Variants in PRSS12 observed in about 807,000 individuals in gnomAD.
PRSS12 encodes serine protease 12.
A neutral mutation model predicts 104.4 loss-of-function variants in PRSS12; 85 were observed. That is an observed-to-expected ratio of 0.81 (90% CI 0.68 to 0.98). The LOEUF is 0.98. PRSS12 is among the 50% of genes least tolerant of loss of function. PRSS12 has a pLI of 0.00. For missense variants in PRSS12, 1,141 were observed against 1,139.2 expected (o/e 1.00, Z -0.02); for synonymous variants, 454 against 425.2 (o/e 1.07, Z -0.83).
intron 11 of PRSS12, 21 bp downstream of exon 11, chr4:118,294,917 GT>G: frequency 6.2e-7 from 1 of 1,613,622 alleles, no homozygotes; most frequent in Non-Finnish European, 8.5e-7. Flanking sequence ...ACACTAGGTT[GT>G]TTGGGAAGGT....
At position 118,316,187 on chromosome 4, in the gene PRSS12, T is replaced by A. The variant is rs776805104; in HGVS notation, c.1287A>T (p.Gly429=). The change falls in exon 6 of 13, where the codon GGA becomes GGT. Residue 429 remains glycine, a synonymous_variant. Coordinates refer to ENST00000296498, the MANE Select transcript of PRSS12 (RefSeq NM_003619.4). ...LNTYVVCRQL[G]FKYGKQASAN... ...TTATAATTAATGAACCTTACTTAAATCCCAATTGTCGACAAACCACGTATG... is the reference window on the plus strand; with the variant it reads ...TTATAATTAATGAACCTTACTTAAAACCCAATTGTCGACAAACCACGTATG... 1 of 1,614,014 alleles carries A rather than the reference T, an allele frequency of 6.2e-7. No homozygotes were observed. Among genetic ancestry groups the A allele is most frequent in the South Asian group, 1.1e-5 (1 of 91,064 alleles).
chr4:118,306,596 T>C (rs1274209583), intron 8 of PRSS12, among the ~76,000 whole-genome samples: 3 of 152,094 alleles, frequency 2.0e-5, no homozygotes, highest in Admixed American at 6.5e-5. Context: ...GGGCATGAGC[T>C]CATTTATCAG....
At chr4:118,286,993 C>T (rs1419216817) in intron 11 of PRSS12, among the ~76,000 whole-genome samples, 1 of 152,126 alleles carries the variant, frequency 6.6e-6, no homozygotes, top group East Asian at 1.9e-4. Flanking sequence ...TAGATTTTGG[C>T]AGGTAAACCC....
At chr4:118,316,620 G>A (rs900202869) in intron 5 of PRSS12, among the ~76,000 whole-genome samples, 1 of 151,774 alleles carries the variant, frequency 6.6e-6, no homozygotes, top group Non-Finnish European at 1.5e-5. Context: ...TCAGGAGTTC[G>A]AGATCAGCCT....
At chr4:118,328,510 T>C (rs1723837560) in intron 4 of PRSS12, among the ~76,000 whole-genome samples, 1 of 152,218 alleles carries the variant, frequency 6.6e-6, no homozygotes. Context: ...CTTGTCAATA[T>C]GGCCTTTGTT....
At chr4:118,338,081 G>A in intron 2 of PRSS12, 95 bp downstream of exon 2, 1 of 1,507,666 alleles carries the variant, frequency 6.6e-7, no homozygotes, top group Non-Finnish European at 9.2e-7. Context: ...GTGACAGTAA[G>A]AAACAAAGAT....
intron 5 of PRSS12, 51 bp from the exon 6 acceptor site, chr4:118,316,374 G>A (rs749936906): frequency 6.2e-7 from 1 of 1,609,012 alleles, no homozygotes; most frequent in East Asian, 2.2e-5. Flanking sequence ...TTCAAAAAAA[G>A]GCAAAACAAC....
At chr4:118,310,878 C>G (rs1255595890) in intron 7 of PRSS12, among the ~76,000 whole-genome samples, 1 of 152,092 alleles carries the variant, frequency 6.6e-6, no homozygotes, top group Admixed American at 6.6e-5. Context: ...TGGCAAAACT[C>G]CATCTGTACT....
intron 3 of PRSS12, among the ~76,000 whole-genome samples, chr4:118,333,241 T>C (rs1262074094): frequency 1.3e-5 from 2 of 152,308 alleles, no homozygotes; most frequent in East Asian, 3.9e-4. Context: ...AATTAACAGG[T>C]TGGTCCTCTA....
intron 2 of PRSS12, among the ~76,000 whole-genome samples, chr4:118,336,975 G>A (rs1379208346): frequency 1.3e-5 from 2 of 152,106 alleles, no homozygotes; most frequent in Non-Finnish European, 2.9e-5. Context: ...ATAGGCTCTG[G>A]CCTTACTCCT....
At chr4:118,285,375 T>C (rs1256202296) in intron 11 of PRSS12, among the ~76,000 whole-genome samples, 1 of 152,344 alleles carries the variant, frequency 6.6e-6, no homozygotes, top group African/African-American at 2.4e-5. Context: ...GCTAGTAATA[T>C]CGCTAGTATA....
intron 9 of PRSS12, 91 bp from the exon 10 acceptor site, chr4:118,295,947 C>T: frequency 1.7e-6 from 2 of 1,194,130 alleles, no homozygotes; most frequent in East Asian, 2.3e-5. Context: ...GCTTCCTCCT[C>T]TATGTCAAAA....
chr4:118,293,018 AAAT>A (rs532587679), intron 11 of PRSS12, among the ~76,000 whole-genome samples: 89 of 151,376 alleles, frequency 5.9e-4, no homozygotes, highest in African/African-American at 2.0e-3. Flanking sequence ...CCATCTCAAA[AAAT>A]AATAATAATA....
At chr4:118,324,332 C>T (rs1288979166) in intron 4 of PRSS12, among the ~76,000 whole-genome samples, 1 of 151,992 alleles carries the variant, frequency 6.6e-6, no homozygotes, top group Non-Finnish European at 1.5e-5. Flanking sequence ...GCATGCTTAC[C>T]TATCACATTT....
In PRSS12 at chr4:118,335,615, T is replaced by C; in HGVS notation, c.678A>G (p.Gly226=). ...KGIAKQTPFS[G]LGLIPIYWSN... ...TCCAATAAATGGGAATAAGGCCCAG[T>C]CCAGAAAACGGGGTTTGTTTTGCTA... is the stretch of plus-strand genomic sequence containing the variant. Residue 226 remains glycine, a synonymous_variant, in exon 3 of 13, where the codon GGA becomes GGG. Transcript: ENST00000296498. The C allele has an allele frequency of 1.2e-6, 2 of 1,614,058 alleles. No homozygotes were observed. The highest frequency in any genetic ancestry group is 1.7e-6 in the Non-Finnish European group (2 of 1,179,960).
intron 3 of PRSS12, among the ~76,000 whole-genome samples, chr4:118,334,795 A>G (rs1250239434): frequency 1.3e-5 from 2 of 152,196 alleles, no homozygotes; most frequent in African/African-American, 4.8e-5. Context: ...GAAAATGCAA[A>G]AAGGGATACC....
At chr4:118,288,351 G>T (rs1025142443) in intron 11 of PRSS12, among the ~76,000 whole-genome samples, 7 of 152,122 alleles carry the variant, frequency 4.6e-5, no homozygotes, top group African/African-American at 1.4e-4. Flanking sequence ...ATTACCAAAG[G>T]CTATGTTCCT....
At chr4:118,300,410 T>G (rs1361894191) in intron 8 of PRSS12, among the ~76,000 whole-genome samples, 3 of 152,156 alleles carry the variant, frequency 2.0e-5, no homozygotes, top group Non-Finnish European at 4.4e-5. Context: ...AATAACACAT[T>G]TTAAAGTATG....
intron 8 of PRSS12, among the ~76,000 whole-genome samples, chr4:118,300,917 T>C (rs1410675070): frequency 6.6e-6 from 1 of 152,070 alleles, no homozygotes; most frequent in African/African-American, 2.4e-5. Context: ...TCTTCATTGT[T>C]GCGCATGTGT....
Sources: gnomAD v4.1 joint callset for allele counts (sites outside exome capture counted in the v4.1 genomes callset) on GRCh38, gnomAD v4.1.1 for gene constraint, MANE v1.5 for transcripts, NCBI Gene and HGNC (gene_info 2026-07-23, HGNC 2026-07-21) for gene names.